The following CBFB variants were observed in gnomAD, a reference collection of about 807,000 sequenced individuals.
CBFB encodes the protein core-binding factor subunit beta, also known as CBF-beta.
Under a neutral mutation model 30.4 loss-of-function variants are expected in CBFB, and 9 were observed. That is an observed-to-expected ratio of 0.30 (90% CI 0.18 to 0.52). The LOEUF is 0.52. Among genes scored for constraint, CBFB ranks in the 20% least tolerant of loss-of-function variants. The pLI, the probability that CBFB is intolerant of heterozygous loss-of-function variation, is 0.97. For missense variants in CBFB, 170 were observed against 244.0 expected (o/e 0.70, Z 2.02); for synonymous variants, 94 against 84.0 (o/e 1.12, Z -0.65).
At chr16:67,050,961 G>A (rs1034040792) in intron 3 of CBFB, among the ~76,000 whole-genome samples, 1 of 152,170 alleles carries the variant, frequency 6.6e-6, no homozygotes, top group African/African-American at 2.4e-5. Context: ...TGGACAAAGA[G>A]ATGATTCACC....
intron 3 of CBFB, 32 bp downstream of exon 3, chr16:67,036,787 T>C (rs781372854): frequency 1.4e-5 from 17 of 1,225,842 alleles, no homozygotes; most frequent in Non-Finnish European, 1.9e-5. Flanking sequence ...TTTAAAATAC[T>C]GTGGGTTGTT....
intron 3 of CBFB, among the ~76,000 whole-genome samples, chr16:67,049,522 A>T (rs1006247556): frequency 6.6e-6 from 1 of 152,068 alleles, no homozygotes; most frequent in East Asian, 1.9e-4. Context: ...TATTTTTGAG[A>T]CAGACTCTGT....
chr16:67,067,409 T>G (rs1286844309), intron 4 of CBFB, among the ~76,000 whole-genome samples: 1 of 152,072 alleles, frequency 6.6e-6, no homozygotes, highest in African/African-American at 2.4e-5. Flanking sequence ...TCCCAGCTAC[T>G]TGGGAAGTTG....
chr16:67,038,463 A>G (rs982113546), intron 3 of CBFB, among the ~76,000 whole-genome samples: 3 of 152,012 alleles, frequency 2.0e-5, no homozygotes, highest in Admixed American at 1.3e-4. Flanking sequence ...GTGCGTGACA[A>G]AACAATCTTT....
intron 3 of CBFB, among the ~76,000 whole-genome samples, chr16:67,042,530 G>T (rs973824089): frequency 6.6e-6 from 1 of 152,154 alleles, no homozygotes; most frequent in East Asian, 1.9e-4. Flanking sequence ...AGGTTTCCTT[G>T]TGCCCCTTTG....
chr16:67,060,262 C>G (rs978918393), intron 3 of CBFB, among the ~76,000 whole-genome samples: 1 of 152,136 alleles, frequency 6.6e-6, no homozygotes, highest in African/African-American at 2.4e-5. Flanking sequence ...GCCACCACTC[C>G]TGGCAGCAAA....
chr16:67,033,668 G>T (rs903683290), intron 2 of CBFB, among the ~76,000 whole-genome samples: 1 of 147,664 alleles, frequency 6.8e-6, no homozygotes, highest in East Asian at 2.0e-4. Context: ...CTGGAGTGCA[G>T]TGGCACGATC....
chr16:67,038,343 T>G (rs1966476802), intron 3 of CBFB, among the ~76,000 whole-genome samples: 1 of 146,710 alleles, frequency 6.8e-6, no homozygotes, highest in South Asian at 2.1e-4. Context: ...TGTATATATG[T>G]ATATATGTGT....
chr16:67,085,262 C>T (rs1401766990), intron 5 of CBFB, among the ~76,000 whole-genome samples: 1 of 150,706 alleles, frequency 6.6e-6, no homozygotes, highest in African/African-American at 2.4e-5. Context: ...CTCTGCCTCC[C>T]GGGTTCAAGC....
chr16:67,086,458 C>T (rs371850979), intron 5 of CBFB, among the ~76,000 whole-genome samples: 10 of 152,238 alleles, frequency 6.6e-5, no homozygotes, highest in East Asian at 1.9e-4. Context: ...CATTTGTGCC[C>T]TCCACTTTAT....
At position 67,029,220 on chromosome 16, in the gene CBFB, G is replaced by T; in HGVS notation, c.-188G>T. On this transcript the variant is annotated 5_prime_UTR_variant, in exon 1 of 6. Coordinates refer to ENST00000412916, the MANE Select transcript of CBFB (RefSeq NM_022845.3). ...GGCGGCGGCGGCGGCGGCGTGGGTT[G>T]GGCTCGAGCGGGCGGCGGCGCCTCA... 3.5e-6 allele frequency: 1 copy of T among 283,176 alleles called. No homozygotes were observed. The highest frequency in any genetic ancestry group is 1.3e-4 in the South Asian group (1 of 7,440). The allele number at this position is 283,176 out of a possible 1,614,324, so 17.5% of individuals were successfully genotyped here.
At chr16:67,059,302 G>A (rs1960821778) in intron 3 of CBFB, among the ~76,000 whole-genome samples, 1 of 152,086 alleles carries the variant, frequency 6.6e-6, no homozygotes, top group Non-Finnish European at 1.5e-5. Context: ...GTAATATTTA[G>A]CTACTTAAGT....
At position 67,079,889 on chromosome 16, in the gene CBFB, A is replaced by G. The variant is rs112464720; in HGVS notation, c.400-2324A>G. ...TGGCCAGACACAGTGGCTTACGCCT[A>G]TAAGCCCAGGATTTTGGGAGGCCAA... On this transcript the variant is annotated intron_variant, in intron 4 of 5. Coordinates refer to ENST00000412916, the MANE Select transcript of CBFB (RefSeq NM_022845.3). 3.2e-3 allele frequency among the ~76,000 whole-genome samples: 486 copies of G among 152,314 alleles called. 7 individuals carry two copies. The highest frequency in any genetic ancestry group is 0.011 in the African/African-American group (459 of 41,578).
intron 5 of CBFB, among the ~76,000 whole-genome samples, chr16:67,090,305 A>G (rs187234074): frequency 3.0e-4 from 45 of 152,318 alleles, no homozygotes; most frequent in Non-Finnish European, 5.4e-4. Flanking sequence ...AGGCTTTTAA[A>G]AATAAAAAAT....
intron 4 of CBFB, among the ~76,000 whole-genome samples, chr16:67,078,575 C>G (rs1961470425): frequency 6.6e-6 from 1 of 152,110 alleles, no homozygotes; most frequent in Non-Finnish European, 1.5e-5. Flanking sequence ...AAGATCAAAA[C>G]AGAAGATGGA....
intron 3 of CBFB, among the ~76,000 whole-genome samples, chr16:67,041,085 G>A (rs938856091): frequency 6.6e-6 from 1 of 152,196 alleles, no homozygotes; most frequent in Non-Finnish European, 1.5e-5. Flanking sequence ...TTCTGAGTGA[G>A]ATGGGGAATA....
intron 2 of CBFB, among the ~76,000 whole-genome samples, chr16:67,033,433 G>C (rs1966386797): frequency 6.6e-6 from 1 of 152,006 alleles, no homozygotes; most frequent in Non-Finnish European, 1.5e-5. Context: ...TCCACCTCCT[G>C]CTTCAGCCTC....
At chr16:67,087,680 G>C (rs1198723977) in intron 5 of CBFB, among the ~76,000 whole-genome samples, 1 of 152,118 alleles carries the variant, frequency 6.6e-6, no homozygotes. Flanking sequence ...GTTGATAGAA[G>C]TGTCACATAA....
intron 4 of CBFB, among the ~76,000 whole-genome samples, chr16:67,068,940 G>A (rs1468028471): frequency 6.6e-6 from 1 of 152,096 alleles, no homozygotes; most frequent in African/African-American, 2.4e-5. Flanking sequence ...GAGGCTGGCC[G>A]TGGTTGGCTC....
Sources: allele counts gnomAD v4.1 joint callset (sites outside exome capture counted in the v4.1 genomes callset), GRCh38; gene constraint gnomAD v4.1.1; transcripts MANE v1.5; gene names NCBI Gene and HGNC (gene_info 2026-07-23, HGNC 2026-07-21).